WWOX: variants seen among roughly 807,000 people sequenced by gnomAD.
The protein encoded by WWOX is WW domain containing oxidoreductase, also known as WW domain-containing oxidoreductase.
WWOX carries 69 observed loss-of-function variants against 46.2 expected under a neutral mutation model. The ratio of observed to expected loss-of-function variants is 1.49; its 90% CI spans 1.23 to 1.82. The LOEUF (loss-of-function observed/expected upper bound fraction) is 1.82, where lower values mean the gene tolerates loss of function less well. Ranked by LOEUF, WWOX falls within the 40% of genes most tolerant of loss-of-function variation. The pLI, the probability that WWOX is intolerant of heterozygous loss-of-function variation, is 0.00. For missense variants in WWOX, 919 were observed against 542.6 expected, an observed-to-expected ratio of 1.69 and a Z score of -6.89; for synonymous variants, 359 against 202.6, an observed-to-expected ratio of 1.77 and a Z score of -6.56.
At chr16:78,354,720 C>T (rs997055718) in intron 5 of WWOX, among the ~76,000 whole-genome samples, 1 of 144,996 alleles carries the variant, frequency 6.9e-6, no homozygotes, top group Non-Finnish European at 1.5e-5. Flanking sequence ...TTTTGTTTGT[C>T]ATTATGTTCT....
chr16:78,523,335 G>A (rs1347170196), intron 8 of WWOX, among the ~76,000 whole-genome samples: 1 of 152,210 alleles, frequency 6.6e-6, no homozygotes, highest in Non-Finnish European at 1.5e-5. Flanking sequence ...ATCCCCTGCT[G>A]TACCCAGCAA....
At chr16:78,191,602 C>G (rs1466799305) in intron 5 of WWOX, among the ~76,000 whole-genome samples, 1 of 152,156 alleles carries the variant, frequency 6.6e-6, no homozygotes, top group South Asian at 2.1e-4. Context: ...TCTTTTTTCC[C>G]TCTCCTATAC....
intron 8 of WWOX, among the ~76,000 whole-genome samples, chr16:78,929,017 T>C (rs1450417426): frequency 1.3e-5 from 2 of 152,236 alleles, no homozygotes; most frequent in African/African-American, 4.8e-5. Flanking sequence ...TACGTTCACA[T>C]ATAGTTACAT....
intron 8 of WWOX, among the ~76,000 whole-genome samples, chr16:78,955,490 A>T (rs1398049558): frequency 1.3e-5 from 2 of 152,156 alleles, no homozygotes; most frequent in Admixed American, 1.3e-4. Context: ...CACAACTAGG[A>T]TGGCGCGAAG....
intron 8 of WWOX, among the ~76,000 whole-genome samples, chr16:79,165,611 CG>C (rs1333651720): frequency 6.6e-6 from 1 of 152,138 alleles, no homozygotes; most frequent in Non-Finnish European, 1.5e-5. Context: ...GCAGTGAAAG[CG>C]TGCTTCTCAG....
intron 8 of WWOX, among the ~76,000 whole-genome samples, chr16:78,477,092 G>A (rs1028447600): frequency 6.6e-6 from 1 of 152,112 alleles, no homozygotes; most frequent in African/African-American, 2.4e-5. Flanking sequence ...AAAAGCATAA[G>A]AGCCCTTGAA....
At chr16:78,589,798 C>G (rs2045308426) in intron 8 of WWOX, among the ~76,000 whole-genome samples, 1 of 152,124 alleles carries the variant, frequency 6.6e-6, no homozygotes. Context: ...GCTTTTTCCC[C>G]CTTTTTTCTC....
chr16:78,720,897 G>A (rs2048673805), intron 8 of WWOX, among the ~76,000 whole-genome samples: 1 of 152,108 alleles, frequency 6.6e-6, no homozygotes, highest in Non-Finnish European at 1.5e-5. Flanking sequence ...CTAACTAAAA[G>A]ATAAGTTCCT....
intron 4 of WWOX, among the ~76,000 whole-genome samples, chr16:78,138,814 G>T (rs1447730183): frequency 1.3e-5 from 2 of 152,222 alleles, no homozygotes; most frequent in Non-Finnish European, 2.9e-5. Context: ...CTCCACGGAT[G>T]TGAGTGGGGA....
At chr16:78,857,405 G>A (rs1026613625) in intron 8 of WWOX, among the ~76,000 whole-genome samples, 2 of 152,182 alleles carry the variant, frequency 1.3e-5, no homozygotes, top group Admixed American at 6.5e-5. Context: ...AAAAAGAAGA[G>A]TTGTCCTGAA....
intron 5 of WWOX, among the ~76,000 whole-genome samples, chr16:78,320,151 G>A (rs2080437143): frequency 6.6e-6 from 1 of 152,162 alleles, no homozygotes; most frequent in African/African-American, 2.4e-5. Flanking sequence ...TCATGTACGT[G>A]ACTGTATACA....
At chr16:78,954,508 G>C (rs894927259) in intron 8 of WWOX, among the ~76,000 whole-genome samples, 5 of 152,160 alleles carry the variant, frequency 3.3e-5, no homozygotes, top group Admixed American at 6.5e-5. Context: ...CTAGTGGCTT[G>C]CTAAAAATAA....
chr16:78,748,569 T>C (rs985934958), intron 8 of WWOX, among the ~76,000 whole-genome samples: 2 of 152,150 alleles, frequency 1.3e-5, no homozygotes, highest in Admixed American at 6.5e-5. Context: ...ACCTCAGCTC[T>C]GATTACAATA....
chr16:78,360,331 A>C (rs940416848), intron 5 of WWOX, among the ~76,000 whole-genome samples: 1 of 152,134 alleles, frequency 6.6e-6, no homozygotes, highest in African/African-American at 2.4e-5. Context: ...CATGCCTGTA[A>C]TCCCAGCACT....
chr16:78,100,652 G>T (rs146143011), intron 1 of WWOX, among the ~76,000 whole-genome samples: 1 of 152,164 alleles, frequency 6.6e-6, no homozygotes, highest in African/African-American at 2.4e-5. Context: ...TGTGACCTTG[G>T]GCCATTGAAA....
intron 8 of WWOX, among the ~76,000 whole-genome samples, chr16:78,473,027 A>G (rs1484426386): frequency 6.6e-6 from 1 of 152,206 alleles, no homozygotes; most frequent in African/African-American, 2.4e-5. Flanking sequence ...CTGAAAAAAT[A>G]TGAAAGGAAA....
At chr16:79,169,063 G>A (rs2050650105) in intron 8 of WWOX, among the ~76,000 whole-genome samples, 1 of 152,184 alleles carries the variant, frequency 6.6e-6, no homozygotes, top group Non-Finnish European at 1.5e-5. Context: ...TACGGGCAAG[G>A]CGTGTGCTAG....
chr16:78,606,370 A>C (rs2045756760), intron 8 of WWOX, among the ~76,000 whole-genome samples: 1 of 152,122 alleles, frequency 6.6e-6, no homozygotes, highest in Non-Finnish European at 1.5e-5. Flanking sequence ...AGTACAAAGG[A>C]AACGGTTACT....
At position 78,244,056 on chromosome 16, in the gene WWOX, G is replaced by A. The variant is rs527839430; in HGVS notation, c.516+79767G>A. Among the ~76,000 whole-genome samples the A allele has an allele frequency of 9.2e-5, 14 of 152,306 alleles. 1 individual carries two copies. In the South Asian group the frequency reaches 1.2e-3, roughly 14 times the overall value. On this transcript the variant is annotated intron_variant, in intron 5 of 8. Coordinates refer to ENST00000566780, the MANE Select transcript of WWOX (RefSeq NM_016373.4). ...ACTGCGGCTTAGCCTGTGGTGGAAG[G>A]TGTCCAAGGTGGCTGGAACACCTCC... is the stretch of plus-strand genomic sequence containing the variant.
Sources: allele counts gnomAD v4.1 joint callset (sites outside exome capture counted in the v4.1 genomes callset), GRCh38; gene constraint gnomAD v4.1.1; transcripts MANE v1.5; gene names NCBI Gene and HGNC (gene_info 2026-07-23, HGNC 2026-07-21).